DCDC1: variants seen among roughly 807,000 people sequenced by gnomAD.
DCDC1 encodes doublecortin domain-containing protein 1.
In DCDC1, 200 loss-of-function variants were observed where a neutral mutation model predicts 178.3. That is an observed-to-expected ratio of 1.12 (90% CI 1.00 to 1.26). DCDC1 has a LOEUF of 1.26. Ranked by LOEUF, DCDC1 falls within the 50% of genes most tolerant of loss-of-function variation. The pLI, the probability that DCDC1 is intolerant of heterozygous loss-of-function variation, is 0.00. For synonymous variants in DCDC1, 690 were observed against 604.8 expected, an observed-to-expected ratio of 1.14 and a Z score of -2.07; for missense variants, 1,983 against 1,749.2, an observed-to-expected ratio of 1.13 and a Z score of -2.38.
At chr11:31,285,722 T>G (rs989582005) in intron 7 of DCDC1, among the ~76,000 whole-genome samples, 17 of 152,144 alleles carry the variant, frequency 1.1e-4, no homozygotes, top group African/African-American at 4.1e-4. Context: ...TTTTTATACC[T>G]TGACATCCAT....
At chr11:30,902,964 A>G (rs1944803538) in intron 32 of DCDC1, among the ~76,000 whole-genome samples, 1 of 152,136 alleles carries the variant, frequency 6.6e-6, no homozygotes, top group Non-Finnish European at 1.5e-5. Flanking sequence ...CAATAGATGG[A>G]TATTGACTGG....
chr11:31,310,682 T>C (rs1319104505), intron 3 of DCDC1, among the ~76,000 whole-genome samples: 1 of 152,072 alleles, frequency 6.6e-6, no homozygotes, highest in African/African-American at 2.4e-5. Flanking sequence ...TGTTAGGTGT[T>C]GGAAAGGATG....
chr11:30,884,734 GA>G (rs1214449884), intron 36 of DCDC1, among the ~76,000 whole-genome samples: 5 of 151,582 alleles, frequency 3.3e-5, no homozygotes, highest in East Asian at 1.9e-4. Flanking sequence ...TGATGGACAA[GA>G]AAAAAAGTAT....
At chr11:31,199,198 T>C (rs1971024422) in intron 9 of DCDC1, among the ~76,000 whole-genome samples, 1 of 152,102 alleles carries the variant, frequency 6.6e-6, no homozygotes, top group Admixed American at 6.6e-5. Flanking sequence ...AAGCTCTCTG[T>C]CTGTGAGATA....
intron 1 of DCDC1, among the ~76,000 whole-genome samples, chr11:31,356,868 T>G (rs1951403008): frequency 3.3e-5 from 5 of 151,792 alleles, no homozygotes; most frequent in Admixed American, 2.6e-4. Flanking sequence ...ACACATACAC[T>G]CTCCCAAGAC....
intron 1 of DCDC1, among the ~76,000 whole-genome samples, chr11:31,340,698 G>C (rs1053384843): frequency 6.6e-6 from 1 of 152,086 alleles, no homozygotes; most frequent in Non-Finnish European, 1.5e-5. Flanking sequence ...CTTCCCCTGG[G>C]TAAGAAGGAA....
At chr11:31,334,330 C>T (rs928570241) in intron 2 of DCDC1, among the ~76,000 whole-genome samples, 1 of 152,198 alleles carries the variant, frequency 6.6e-6, no homozygotes, top group Admixed American at 6.5e-5. Context: ...CGAACATCCT[C>T]CTTTAGCTCA....
chr11:31,314,021 G>A (rs1470503855), intron 3 of DCDC1, among the ~76,000 whole-genome samples: 1 of 152,144 alleles, frequency 6.6e-6, no homozygotes, highest in East Asian at 1.9e-4. Context: ...AACAGACAAA[G>A]TAGTTCCTTT....
chr11:31,069,738 C>G (rs917153691), intron 18 of DCDC1, among the ~76,000 whole-genome samples: 5 of 152,144 alleles, frequency 3.3e-5, no homozygotes, highest in African/African-American at 7.2e-5. Flanking sequence ...GCTTCATCCT[C>G]TAATAGAAAT....
chr11:31,146,761 T>C (rs1964500621), intron 9 of DCDC1, among the ~76,000 whole-genome samples: 1 of 152,194 alleles, frequency 6.6e-6, no homozygotes, highest in African/African-American at 2.4e-5. Flanking sequence ...AACACCCACT[T>C]GACCTTGGCT....
intron 9 of DCDC1, among the ~76,000 whole-genome samples, chr11:31,185,518 A>C (rs971089684): frequency 1.4e-4 from 21 of 151,924 alleles, no homozygotes; most frequent in Non-Finnish European, 2.6e-4. Context: ...CCATTTTTTC[A>C]ATTCTCTGCA....
intron 1 of DCDC1, among the ~76,000 whole-genome samples, chr11:31,359,289 A>G (rs1476518369): frequency 6.6e-6 from 1 of 151,946 alleles, no homozygotes; most frequent in Non-Finnish European, 1.5e-5. Flanking sequence ...TTGTTGTGAC[A>G]TGGATGAAAT....
chr11:31,125,582 ATAC>A (rs1961486134), intron 11 of DCDC1, among the ~76,000 whole-genome samples: 1 of 152,204 alleles, frequency 6.6e-6, no homozygotes, highest in South Asian at 2.1e-4. Flanking sequence ...ACATCATGGA[ATAC>A]TATGCAGCCA....
chr11:31,195,733 T>A (rs1400062395), intron 9 of DCDC1, among the ~76,000 whole-genome samples: 2 of 152,082 alleles, frequency 1.3e-5, no homozygotes, highest in Non-Finnish European at 2.9e-5. Flanking sequence ...CCCCTACTTA[T>A]TAGCTTCATA....
chr11:31,019,302 A>G (rs1037659309), intron 20 of DCDC1, among the ~76,000 whole-genome samples: 1 of 152,234 alleles, frequency 6.6e-6, no homozygotes, highest in African/African-American at 2.4e-5. Context: ...GGAAAGACTT[A>G]AAGATGAGCG....
At chr11:31,102,363 T>C (rs1958568508) in intron 14 of DCDC1, 81 bp from the exon 15 acceptor site, 3 of 556,644 alleles carry the variant, frequency 5.4e-6, no homozygotes, top group South Asian at 5.0e-5. Flanking sequence ...TTAATTATAA[T>C]ACTCTTTATG....
chr11:30,962,840 A>G (rs569998676), intron 20 of DCDC1, among the ~76,000 whole-genome samples: 1 of 152,212 alleles, frequency 6.6e-6, no homozygotes, highest in East Asian at 1.9e-4. Flanking sequence ...CTAAAAACCT[A>G]TCATTATCTC....
chr11:31,227,519 TACTA>T (rs1410494587), intron 9 of DCDC1, among the ~76,000 whole-genome samples: 6 of 152,012 alleles, frequency 3.9e-5, no homozygotes, highest in Non-Finnish European at 5.9e-5. Context: ...GGGAAAAAAA[TACTA>T]ACTATTTCAG....
chr11:31,019,872 C>T (rs916402875), intron 20 of DCDC1, among the ~76,000 whole-genome samples: 4 of 152,032 alleles, frequency 2.6e-5, no homozygotes, highest in Admixed American at 6.6e-5. Flanking sequence ...ACACATTCAC[C>T]GGACCCCCAC....
Sources: allele counts gnomAD v4.1 joint callset (sites outside exome capture counted in the v4.1 genomes callset), GRCh38; gene constraint gnomAD v4.1.1; transcripts MANE v1.5; gene names NCBI Gene and HGNC (gene_info 2026-07-23, HGNC 2026-07-21).